The following TRHDE variants were observed in gnomAD, a reference collection of about 807,000 sequenced individuals.
TRHDE encodes the protein thyrotropin releasing hormone degrading enzyme, also known as thyrotropin-releasing hormone-degrading ectoenzyme.
In TRHDE, 72 loss-of-function variants were observed where a neutral mutation model predicts 125.7. The observed-to-expected ratio is 0.57, with a 90% confidence interval of 0.47 to 0.70. TRHDE has a LOEUF of 0.70. Ranked by LOEUF, TRHDE falls within the 30% of genes least tolerant of loss-of-function variation. TRHDE has a pLI of 0.00. For missense variants in TRHDE, 1,110 were observed against 1,327.1 expected (o/e 0.84, Z 2.54); for synonymous variants, 509 against 509.1 (o/e 1.00, Z 0.00).
In TRHDE at chr12:72,459,162, AT is replaced by A. The variant is rs1447697144; in HGVS notation, c.1316-10593del. Among the ~76,000 whole-genome samples the A allele has an allele frequency of 4.6e-5, 7 of 152,066 alleles. No individual in the cohort carries two copies. In the East Asian group the frequency reaches 1.4e-3, roughly 29 times the overall value. On this transcript the variant is annotated intron_variant, in intron 3 of 18. Coordinates refer to ENST00000261180, the MANE Select transcript of TRHDE (RefSeq NM_013381.3). ...CAATGCCTGGTAGAATCTTTCTAACATTTCCTCAATCTGACACTGACTCTCC... is the reference window on the plus strand; with the variant it reads ...CAATGCCTGGTAGAATCTTTCTAACATTCCTCAATCTGACACTGACTCTCC...
intron 15 of TRHDE, among the ~76,000 whole-genome samples, chr12:72,641,567 A>G (rs1221865955): frequency 2.0e-5 from 3 of 152,124 alleles, no homozygotes; most frequent in Non-Finnish European, 4.4e-5. Flanking sequence ...ATTCTACTTT[A>G]TCTTTGGTAT....
At chr12:72,375,323 G>A (rs1565718355) in intron 2 of TRHDE, among the ~76,000 whole-genome samples, 1 of 152,126 alleles carries the variant, frequency 6.6e-6, no homozygotes, top group African/African-American at 2.4e-5. Context: ...GCACACAGCA[G>A]GTAAATAATA....
rs1364515643 is a variant in TRHDE, at chr12:72,665,263, T to C, written c.*2068T>C. The C allele has an allele frequency of 6.6e-6, 1 of 152,454 alleles. No individual in the cohort carries two copies. Among genetic ancestry groups the C allele is most frequent in the Non-Finnish European group, 1.5e-5 (1 of 67,954 alleles). The allele number at this position is 152,454 out of a possible 1,614,324, so 9.4% of individuals were successfully genotyped here. A position where few individuals can be genotyped will look rare whatever the true frequency, so the allele number is the denominator to read the frequency against. ...GGTATATTTTTGAGTAAAATTACCATTTCCAGATTTGAGTTTGAAGGGCTT... is the reference window on the plus strand; with the variant it reads ...GGTATATTTTTGAGTAAAATTACCACTTCCAGATTTGAGTTTGAAGGGCTT... On this transcript the variant is annotated 3_prime_UTR_variant, in exon 19 of 19. Transcript: ENST00000261180.
chr12:72,161,830 T>C (rs1835105351), intron 2 of TRHDE, among the ~76,000 whole-genome samples: 1 of 152,348 alleles, frequency 6.6e-6, no homozygotes, highest in Non-Finnish European at 1.5e-5. Flanking sequence ...CTTTTAAGGC[T>C]AACAGATATG....
intron 2 of TRHDE, among the ~76,000 whole-genome samples, chr12:72,341,609 A>G (rs2135730623): frequency 6.6e-6 from 1 of 152,224 alleles, no homozygotes. Flanking sequence ...AATTTTTTTG[A>G]AAACTTGAAA....
At chr12:72,220,212 C>T (rs182279249) in intron 2 of TRHDE, among the ~76,000 whole-genome samples, 1 of 152,162 alleles carries the variant, frequency 6.6e-6, no homozygotes, top group East Asian at 1.9e-4. Context: ...TCTTAAATGT[C>T]TTTGTGGTGA....
intron 12 of TRHDE, among the ~76,000 whole-genome samples, chr12:72,601,925 T>C (rs1872223581): frequency 6.6e-6 from 1 of 152,294 alleles, no homozygotes; most frequent in East Asian, 1.9e-4. Context: ...ACCATATCTC[T>C]GTACATGGTA....
chr12:72,253,837 A>T (rs1437838593), intron 2 of TRHDE: 2 of 151,866 alleles, frequency 1.3e-5, no homozygotes, highest in Non-Finnish European at 2.9e-5. Context: ...TCATCCTGTT[A>T]ATTTGGGGGC....
chr12:72,578,306 A>T (rs375628279), intron 12 of TRHDE, among the ~76,000 whole-genome samples: 27 of 152,122 alleles, frequency 1.8e-4, no homozygotes, highest in African/African-American at 6.3e-4. Context: ...AAGGCGGCAC[A>T]GCTTTTGGAG....
intron 12 of TRHDE, among the ~76,000 whole-genome samples, chr12:72,584,353 T>A (rs1015762643): frequency 6.6e-6 from 1 of 152,118 alleles, no homozygotes; most frequent in Non-Finnish European, 1.5e-5. Flanking sequence ...TGTGAAATGG[T>A]TCAGTATTGC....
chr12:72,172,212 G>A (rs1360823817), intron 2 of TRHDE, among the ~76,000 whole-genome samples: 2 of 152,034 alleles, frequency 1.3e-5, no homozygotes, highest in African/African-American at 2.4e-5. Flanking sequence ...CAAACGGGAC[G>A]GAATATATGG....
intron 7 of TRHDE, among the ~76,000 whole-genome samples, chr12:72,557,741 T>G (rs1383790871): frequency 6.6e-6 from 1 of 152,132 alleles, no homozygotes; most frequent in East Asian, 1.9e-4. Context: ...ACAAAAATGG[T>G]CTCGTATGTA....
intron 1 of TRHDE, among the ~76,000 whole-genome samples, chr12:72,277,664 C>T (rs768572440): frequency 2.0e-5 from 3 of 151,876 alleles, no homozygotes; most frequent in South Asian, 2.1e-4. Context: ...ACCAGTAAAC[C>T]GTATCTAGAC....
chr12:72,409,754 C>A (rs1339130998), intron 3 of TRHDE, among the ~76,000 whole-genome samples: 1 of 152,032 alleles, frequency 6.6e-6, no homozygotes, highest in Non-Finnish European at 1.5e-5. Context: ...GTCTGGAAAG[C>A]AAACATAATG....
In TRHDE at chr12:72,670,088, G is replaced by A. The variant is rs1875212602; in HGVS notation, c.*6893G>A. On this transcript the variant is annotated 3_prime_UTR_variant, in exon 19 of 19. Transcript: ENST00000261180. ...TTTTGAGTGGACCTAAATTTATTCA[G>A]TAATAAAGTTTACTTTCCTAAATCC... 1 of 151,674 alleles carries A rather than the reference G, an allele frequency of 6.6e-6. No homozygotes were observed. The highest frequency in any genetic ancestry group is 6.6e-5 in the Admixed American group (1 of 15,164). The allele number at this position is 151,674 out of a possible 1,614,324, so 9.4% of individuals were successfully genotyped here. A position where few individuals can be genotyped will look rare whatever the true frequency, so the allele number is the denominator to read the frequency against.
At chr12:72,238,640 G>A (rs1023115712) in intron 2 of TRHDE, among the ~76,000 whole-genome samples, 20 of 151,560 alleles carry the variant, frequency 1.3e-4, no homozygotes, top group Middle Eastern at 3.4e-3. Context: ...GAGAACATGC[G>A]GTGTTTGGTT....
intron 2 of TRHDE, chr12:72,255,004 A>T (rs909150543): frequency 1.3e-5 from 2 of 152,250 alleles, no homozygotes; most frequent in Admixed American, 6.5e-5. Flanking sequence ...AACCTTCTTC[A>T]GTTAGGCTTT....
chr12:72,551,176 A>C (rs1869655426), intron 7 of TRHDE, among the ~76,000 whole-genome samples: 1 of 152,110 alleles, frequency 6.6e-6, no homozygotes, highest in African/African-American at 2.4e-5. Context: ...GTTACAAATT[A>C]GTGGCTTAGG....
chr12:72,194,082 GAACATAAT>G (rs1435374840), intron 2 of TRHDE, among the ~76,000 whole-genome samples: 1 of 152,020 alleles, frequency 6.6e-6, no homozygotes, highest in Non-Finnish European at 1.5e-5. Flanking sequence ...ACACCCAACA[GAACATAAT>G]AACTTTTGGG....
Sources: allele counts gnomAD v4.1 joint callset (sites outside exome capture counted in the v4.1 genomes callset), GRCh38; gene constraint gnomAD v4.1.1; transcripts MANE v1.5; gene names NCBI Gene and HGNC (gene_info 2026-07-23, HGNC 2026-07-21).